HS3ST4: variants seen among roughly 807,000 people sequenced by gnomAD.
The protein encoded by HS3ST4 is heparan sulfate-glucosamine 3-sulfotransferase 4, also known as heparan sulfate glucosamine 3-O-sulfotransferase 4.
Under a neutral mutation model 29.2 loss-of-function variants are expected in HS3ST4, and 17 were observed. That is an observed-to-expected ratio of 0.58 (90% CI 0.40 to 0.87). The LOEUF (loss-of-function observed/expected upper bound fraction) is 0.87, where lower values mean the gene tolerates loss of function less well. Ranked by LOEUF, HS3ST4 falls within the 40% of genes least tolerant of loss-of-function variation. The pLI, the probability that HS3ST4 is intolerant of heterozygous loss-of-function variation, is 0.00. For synonymous variants in HS3ST4, 314 were observed against 285.7 expected (o/e 1.10, Z -1.00); for missense variants, 627 against 634.5 (o/e 0.99, Z 0.13).
chr16:26,048,785 T>C (rs574931515), intron 1 of HS3ST4, among the ~76,000 whole-genome samples: 109 of 152,258 alleles, frequency 7.2e-4, no homozygotes, highest in African/African-American at 2.6e-3. Context: ...GTGAGCTATG[T>C]TCACACCACT....
At chr16:25,878,896 A>G (rs1232886464) in intron 1 of HS3ST4, among the ~76,000 whole-genome samples, 1 of 152,180 alleles carries the variant, frequency 6.6e-6, no homozygotes, top group Non-Finnish European at 1.5e-5. Flanking sequence ...AGTGGTAAAC[A>G]GTATCTTATG....
chr16:25,748,176 T>A (rs1341709127), intron 1 of HS3ST4, among the ~76,000 whole-genome samples: 1 of 152,196 alleles, frequency 6.6e-6, no homozygotes, highest in Admixed American at 6.5e-5. Flanking sequence ...AGCTGCTGCA[T>A]CCTGGCTGTG....
At chr16:26,123,352 T>A (rs567714493) in intron 1 of HS3ST4, among the ~76,000 whole-genome samples, 18 of 152,124 alleles carry the variant, frequency 1.2e-4, no homozygotes, top group Non-Finnish European at 2.4e-4. Flanking sequence ...GCCACACACC[T>A]CTGTCAAGAT....
At chr16:25,814,501 C>T (rs2141630037) in intron 1 of HS3ST4, among the ~76,000 whole-genome samples, 1 of 152,178 alleles carries the variant, frequency 6.6e-6, no homozygotes, top group African/African-American at 2.4e-5. Flanking sequence ...TGCACACCAC[C>T]ATGCCCAGCT....
chr16:25,736,498 C>T (rs953421670), intron 1 of HS3ST4, among the ~76,000 whole-genome samples: 6 of 152,206 alleles, frequency 3.9e-5, no homozygotes, highest in Non-Finnish European at 8.8e-5. Flanking sequence ...CTGTAAGATG[C>T]ACTCTTATTC....
At chr16:25,820,049 A>G (rs1158972303) in intron 1 of HS3ST4, among the ~76,000 whole-genome samples, 2 of 111,116 alleles carry the variant, frequency 1.8e-5, no homozygotes, top group Non-Finnish European at 3.7e-5. Context: ...AAAAAAAAAA[A>G]GAAAAAGAAA....
intron 1 of HS3ST4, among the ~76,000 whole-genome samples, chr16:26,063,356 A>G (rs552961560): frequency 6.6e-6 from 1 of 152,176 alleles, no homozygotes; most frequent in South Asian, 2.1e-4. Context: ...TTTTCAGCAA[A>G]TGAGACCATG....
intron 1 of HS3ST4, among the ~76,000 whole-genome samples, chr16:25,879,566 C>T (rs2141663477): frequency 6.6e-6 from 1 of 152,154 alleles, no homozygotes; most frequent in Admixed American, 6.5e-5. Flanking sequence ...GAAAGACCCA[C>T]CCCCATGATT....
At chr16:25,739,494 A>T (rs913222165) in intron 1 of HS3ST4, among the ~76,000 whole-genome samples, 1 of 151,978 alleles carries the variant, frequency 6.6e-6, no homozygotes, top group Non-Finnish European at 1.5e-5. Flanking sequence ...TTTTCTGTGC[A>T]TGACATGCTT....
chr16:25,981,333 G>A (rs981999164), intron 1 of HS3ST4, among the ~76,000 whole-genome samples: 9 of 150,338 alleles, frequency 6.0e-5, no homozygotes, highest in Admixed American at 1.3e-4. Context: ...GCAAAACTCC[G>A]TCTAAAAAAA....
chr16:25,875,338 AC>A (rs1409980796), intron 1 of HS3ST4, among the ~76,000 whole-genome samples: 2 of 152,098 alleles, frequency 1.3e-5, no homozygotes, highest in African/African-American at 4.8e-5. Context: ...TCTGTGTGGC[AC>A]TGGTCATTCG....
At chr16:25,785,226 A>G (rs1966856303) in intron 1 of HS3ST4, among the ~76,000 whole-genome samples, 1 of 152,222 alleles carries the variant, frequency 6.6e-6, no homozygotes, top group Non-Finnish European at 1.5e-5. Context: ...ATGTACAAGG[A>G]GATTAATGTT....
chr16:26,127,537 C>G (rs1899361213), intron 1 of HS3ST4, among the ~76,000 whole-genome samples: 1 of 152,238 alleles, frequency 6.6e-6, no homozygotes, highest in African/African-American at 2.4e-5. Flanking sequence ...CCTGAAATCA[C>G]TGCTCTGTCT....
At chr16:25,833,614 A>G (rs1239382828) in intron 1 of HS3ST4, among the ~76,000 whole-genome samples, 2 of 152,182 alleles carry the variant, frequency 1.3e-5, no homozygotes, top group Admixed American at 6.5e-5. Flanking sequence ...AATGCTTGCA[A>G]CATATACTTC....
intron 1 of HS3ST4, among the ~76,000 whole-genome samples, chr16:25,813,944 C>CTGA (rs1306844084): frequency 6.6e-6 from 1 of 152,162 alleles, no homozygotes; most frequent in Non-Finnish European, 1.5e-5. Context: ...AGACAAGCAG[C>CTGA]TGATGATACA....
chr16:25,804,976 G>T (rs890600136), intron 1 of HS3ST4, among the ~76,000 whole-genome samples: 6 of 152,144 alleles, frequency 3.9e-5, no homozygotes, highest in African/African-American at 1.4e-4. Flanking sequence ...GCATCAGCAG[G>T]TCAAGGGTAC....
At chr16:25,713,291 G>T (rs1197354783) in intron 1 of HS3ST4, among the ~76,000 whole-genome samples, 2 of 152,060 alleles carry the variant, frequency 1.3e-5, no homozygotes, top group Admixed American at 6.5e-5. Flanking sequence ...CACTTTGGGG[G>T]CTGAGGTGGG....
At chr16:25,936,249 C>T (rs1968516103) in intron 1 of HS3ST4, among the ~76,000 whole-genome samples, 1 of 152,156 alleles carries the variant, frequency 6.6e-6, no homozygotes, top group East Asian at 1.9e-4. Context: ...CCTTGGGGTT[C>T]TGTGTTCGAT....
intron 1 of HS3ST4, among the ~76,000 whole-genome samples, chr16:26,032,159 G>A (rs1969537053): frequency 1.3e-5 from 2 of 152,198 alleles, no homozygotes; most frequent in African/African-American, 4.8e-5. Flanking sequence ...GCTTAAGGGA[G>A]TTAAGTCTAT....
Sources: allele counts gnomAD v4.1 joint callset (sites outside exome capture counted in the v4.1 genomes callset), GRCh38; gene constraint gnomAD v4.1.1; transcripts MANE v1.5; gene names NCBI Gene and HGNC (gene_info 2026-07-23, HGNC 2026-07-21).